RABGAP1L: variants seen among roughly 807,000 people sequenced by gnomAD.
The protein encoded by RABGAP1L is RAB GTPase activating protein 1 like.
RABGAP1L carries 63 observed loss-of-function variants against 137.7 expected under a neutral mutation model. The observed-to-expected ratio is 0.46, with a 90% CI of 0.37 to 0.56. The LOEUF (loss-of-function observed/expected upper bound fraction) is 0.56. Ranked by LOEUF, RABGAP1L falls within the 20% of genes least tolerant of loss-of-function variation. RABGAP1L has a pLI of 0.00. For missense variants in RABGAP1L, 1,095 were observed against 1,244.0 expected, an observed-to-expected ratio of 0.88 and a Z score of 1.80; for synonymous variants, 431 against 433.7, an observed-to-expected ratio of 0.99 and a Z score of 0.08.
intron 14 of RABGAP1L, among the ~76,000 whole-genome samples, chr1:174,677,325 T>C (rs528621481): frequency 6.6e-6 from 1 of 152,256 alleles, no homozygotes; most frequent in East Asian, 1.9e-4. Flanking sequence ...AAGATACATA[T>C]TCATTTGCTT....
chr1:174,484,176 T>C (rs1287560435), intron 13 of RABGAP1L, among the ~76,000 whole-genome samples: 1 of 152,246 alleles, frequency 6.6e-6, no homozygotes, highest in Non-Finnish European at 1.5e-5. Context: ...CCTTTACATA[T>C]ACCTGTGTGT....
intron 11 of RABGAP1L, among the ~76,000 whole-genome samples, chr1:174,339,485 C>A (rs922938399): frequency 6.6e-6 from 1 of 152,114 alleles, no homozygotes; most frequent in Admixed American, 6.5e-5. Context: ...TTCAGGCTAT[C>A]ATAAGTGGAC....
intron 13 of RABGAP1L, among the ~76,000 whole-genome samples, chr1:174,637,163 A>T (rs745983604): frequency 2.0e-5 from 3 of 152,130 alleles, no homozygotes; most frequent in African/African-American, 7.2e-5. Flanking sequence ...TACACACACA[A>T]ATATGTATAG....
chr1:174,423,091 T>C (rs1457042477), intron 13 of RABGAP1L, among the ~76,000 whole-genome samples: 1 of 152,176 alleles, frequency 6.6e-6, no homozygotes, highest in Non-Finnish European at 1.5e-5. Context: ...ATATAAGCAG[T>C]ATTCATTATC....
At chr1:174,732,148 G>A (rs543450922) in intron 17 of RABGAP1L, among the ~76,000 whole-genome samples, 3 of 151,388 alleles carry the variant, frequency 2.0e-5, no homozygotes, top group South Asian at 2.1e-4. Flanking sequence ...GCAGTGAGCC[G>A]AGATTGCGCC....
intron 13 of RABGAP1L, among the ~76,000 whole-genome samples, chr1:174,492,144 C>T (rs1023547054): frequency 2.0e-5 from 3 of 150,332 alleles, no homozygotes; most frequent in Admixed American, 6.6e-5. Context: ...CTTTCTATTC[C>T]GCCATCTTGC....
intron 13 of RABGAP1L, among the ~76,000 whole-genome samples, chr1:174,414,444 G>A (rs774155510): frequency 1.3e-5 from 2 of 152,052 alleles, no homozygotes; most frequent in Non-Finnish European, 2.9e-5. Flanking sequence ...TGACAGGATA[G>A]TAGGCTGTCC....
chr1:174,436,993 C>T (rs553574530), intron 13 of RABGAP1L, among the ~76,000 whole-genome samples: 3,335 of 152,352 alleles, frequency 0.022, 12 homozygotes, highest in Non-Finnish European at 0.032. Context: ...CTCCAACAGA[C>T]CTGCAGCTGA....
At chr1:174,190,455 C>T (rs1232344979) in intron 1 of RABGAP1L, among the ~76,000 whole-genome samples, 1 of 151,992 alleles carries the variant, frequency 6.6e-6, no homozygotes, top group Non-Finnish European at 1.5e-5. Context: ...CAATAGAAAG[C>T]AGACTAAGAT....
chr1:174,776,414 G>A (rs1033550642), intron 18 of RABGAP1L, among the ~76,000 whole-genome samples: 1 of 152,024 alleles, frequency 6.6e-6, no homozygotes, highest in Admixed American at 6.6e-5. Flanking sequence ...TGGTATTAGA[G>A]AATAGTACAT....
At chr1:174,508,298 T>G (rs1022715913) in intron 13 of RABGAP1L, among the ~76,000 whole-genome samples, 6 of 152,158 alleles carry the variant, frequency 3.9e-5, no homozygotes, top group African/African-American at 1.4e-4. Context: ...CTTTTTAATG[T>G]GGTTTTATAC....
At chr1:174,502,196 T>C (rs924830794) in intron 13 of RABGAP1L, among the ~76,000 whole-genome samples, 3 of 151,946 alleles carry the variant, frequency 2.0e-5, no homozygotes, top group Non-Finnish European at 2.9e-5. Context: ...TGCAAAAAGT[T>C]CATTAATTAT....
chr1:174,756,793 C>T, intron 18 of RABGAP1L: 2 of 491,610 alleles, frequency 4.1e-6, no homozygotes, highest in Non-Finnish European at 8.0e-6. Context: ...GGGAGGAGTC[C>T]CTACTCGGTT....
At chr1:174,310,497 A>G (rs1412287287) in intron 11 of RABGAP1L, among the ~76,000 whole-genome samples, 1 of 152,060 alleles carries the variant, frequency 6.6e-6, no homozygotes, top group Non-Finnish European at 1.5e-5. Context: ...TCCTTTATTG[A>G]TATTCTGTCT....
intron 19 of RABGAP1L, among the ~76,000 whole-genome samples, chr1:174,942,367 C>A (rs1012521469): frequency 1.3e-5 from 2 of 152,180 alleles, no homozygotes; most frequent in African/African-American, 4.8e-5. Context: ...GTATATATAA[C>A]TAACCAAGTA....
intron 15 of RABGAP1L, among the ~76,000 whole-genome samples, chr1:174,699,225 T>C (rs1380538896): frequency 6.6e-6 from 1 of 152,186 alleles, no homozygotes; most frequent in East Asian, 1.9e-4. Context: ...ACTCCTGGGC[T>C]TAAGTGATCT....
intron 13 of RABGAP1L, among the ~76,000 whole-genome samples, chr1:174,534,176 G>A (rs909550184): frequency 7.1e-6 from 1 of 140,142 alleles, no homozygotes; most frequent in African/African-American, 2.7e-5. Context: ...GTGTGTGTGT[G>A]TGTGTGTCCC....
At chr1:174,547,254 G>T (rs1186333991) in intron 13 of RABGAP1L, among the ~76,000 whole-genome samples, 1 of 151,962 alleles carries the variant, frequency 6.6e-6, no homozygotes, top group East Asian at 1.9e-4. Context: ...CTACCACCTG[G>T]CATTTAGCAG....
chr1:174,813,298 A>G (rs904063408), intron 19 of RABGAP1L, among the ~76,000 whole-genome samples: 1 of 152,162 alleles, frequency 6.6e-6, no homozygotes, highest in Non-Finnish European at 1.5e-5. Context: ...AGTATTTTTG[A>G]AAGAGAACCA....
Sources: gnomAD v4.1 joint callset for allele counts (sites outside exome capture counted in the v4.1 genomes callset) on GRCh38, gnomAD v4.1.1 for gene constraint, MANE v1.5 for transcripts, NCBI Gene and HGNC (gene_info 2026-07-23, HGNC 2026-07-21) for gene names.